The following UBXN11 variants were observed in gnomAD, a reference collection of about 807,000 sequenced individuals.
The protein encoded by UBXN11 is UBX domain protein 11.
Under a neutral mutation model 62.8 loss-of-function variants are expected in UBXN11, and 47 were observed. The ratio of observed to expected loss-of-function variants is 0.75; its 90% CI spans 0.59 to 0.95. The LOEUF (loss-of-function observed/expected upper bound fraction) is 0.95. Among genes scored for constraint, UBXN11 ranks in the 40% least tolerant of loss-of-function variants. The pLI is 0.00. For missense variants in UBXN11, 638 were observed against 661.7 expected (o/e 0.96, Z 0.39); for synonymous variants, 294 against 267.0 (o/e 1.10, Z -0.99).
chr1:26,305,870 T>C (rs2073654871), intron 1 of UBXN11, among the ~76,000 whole-genome samples: 1 of 152,200 alleles, frequency 6.6e-6, no homozygotes, highest in Non-Finnish European at 1.5e-5. Flanking sequence ...CCCCTTTCCA[T>C]GGCCACCGTC....
intron 8 of UBXN11, among the ~76,000 whole-genome samples, chr1:26,291,939 C>T (rs2073277370): frequency 1.3e-5 from 2 of 152,188 alleles, no homozygotes; most frequent in South Asian, 4.1e-4. Context: ...GCATCTTTCC[C>T]GCAGCTGTGC....
chr1:26,317,861 A>AC, intron 1 of UBXN11: 1 of 640,616 alleles, frequency 1.6e-6, no homozygotes, highest in East Asian at 2.7e-5. Context: ...AGGAAGCCAC[A>AC]CCCCTCCTCC....
chr1:26,299,473 G>A lies in UBXN11; in HGVS notation c.200-1411C>T, dbSNP rs1434210507. On this transcript the variant is annotated intron_variant, in intron 4 of 14. Coordinates refer to ENST00000374222, the MANE Select transcript of UBXN11 (RefSeq NM_001389556.1). ...GCTGCAGTAAGTAGTGATTTGCACC[G>A]CTGCACTCCAGGCTGGGCAACAGAG... Among the ~76,000 whole-genome samples, 8 of 145,686 alleles carry A rather than the reference G, an allele frequency of 5.5e-5. No homozygotes were observed. In the East Asian group the frequency reaches 1.6e-3, roughly 29 times the overall value.
At position 26,315,669 on chromosome 1, in the gene UBXN11, C is replaced by CT. The variant is rs1320681285; in HGVS notation, c.-149+2377dup. On this transcript the variant is annotated intron_variant, in intron 1 of 14. Coordinates refer to the UBXN11 transcript ENST00000374217. The stretch of plus-strand genomic sequence containing the variant: ...CTCAGTTCTTCTTTTCTTCTCTTCT[C>CT]TTTTTTTGAAATGGAGTTTTTCTCT... 2.6e-4 allele frequency among the ~76,000 whole-genome samples: 40 copies of CT among 152,028 alleles called. 1 individual carries two copies. The highest frequency in any genetic ancestry group is 2.6e-3 in the Admixed American group (40 of 15,254).
intron 7 of UBXN11, among the ~76,000 whole-genome samples, chr1:26,294,625 G>A (rs763199152): frequency 6.6e-6 from 1 of 152,210 alleles, no homozygotes; most frequent in African/African-American, 2.4e-5. Flanking sequence ...GCCCATGCGA[G>A]GGCTCGGTAA....
chr1:26,293,671 A>G (rs184141850), intron 8 of UBXN11, among the ~76,000 whole-genome samples: 78 of 140,778 alleles, frequency 5.5e-4, no homozygotes, highest in African/African-American at 2.0e-3. Flanking sequence ...GGTTGCAATG[A>G]GCCAAATCGT....
At chr1:26,315,861 T>C (rs1019111893) in intron 1 of UBXN11, among the ~76,000 whole-genome samples, 2 of 152,094 alleles carry the variant, frequency 1.3e-5, no homozygotes, top group African/African-American at 2.4e-5. Context: ...GGTTTCACCA[T>C]GTTGGCCAGG....
At chr1:26,315,960 C>CGTTTT (rs548322541) in intron 1 of UBXN11, among the ~76,000 whole-genome samples, 5 of 114,538 alleles carry the variant, frequency 4.4e-5, no homozygotes, top group Non-Finnish European at 6.9e-5. Flanking sequence ...GTTTCCTGGC[C>CGTTTT]TTTTTTTTTT....
intron 1 of UBXN11, among the ~76,000 whole-genome samples, chr1:26,304,975 T>TC (rs1243427658): frequency 1.3e-5 from 2 of 151,946 alleles, no homozygotes; most frequent in Non-Finnish European, 2.9e-5. Flanking sequence ...CTCTTTTTTT[T>TC]CCCCTTCAGT....
chr1:26,305,047 G>C (rs905224379), intron 1 of UBXN11, among the ~76,000 whole-genome samples: 6 of 152,042 alleles, frequency 3.9e-5, no homozygotes, highest in African/African-American at 1.4e-4. Context: ...CAGGAAATTA[G>C]GAAAATAGTA....
At chr1:26,294,147 C>T (rs2124652095) in intron 8 of UBXN11, 58 bp downstream of exon 8, 1 of 1,600,068 alleles carries the variant, frequency 6.2e-7, no homozygotes, top group Non-Finnish European at 8.5e-7. Flanking sequence ...TGCCGGCCAA[C>T]AGCAAACTGT....
chr1:26,318,230 G>A (rs1284203497), exon 1 of UBXN11: 9 of 645,266 alleles, frequency 1.4e-5, no homozygotes, highest in South Asian at 5.5e-5. Flanking sequence ...GGGCCTGGCC[G>A]CCCAGCCTTC....
chr1:26,284,381 G>T lies in UBXN11; in HGVS notation c.954C>A (p.Asp318Glu), dbSNP rs1363793039. The T allele has an allele frequency of 6.2e-7, 1 of 1,614,054 alleles. No homozygotes were observed. Among genetic ancestry groups the T allele is most frequent in the Admixed American group, 1.7e-5 (1 of 60,016 alleles). The change falls in exon 11 of 15, where the codon GAC (aspartate) becomes GAA (glutamate). Residue 318 changes from aspartate to glutamate, a missense_variant. Coordinates refer to ENST00000374222, the MANE Select transcript of UBXN11 (RefSeq NM_001389556.1). Reference sequence around the variant, plus strand: ...ACTCACCTGGGTGCTCCTCCACCCTGTCCAAGGCCTTGTGCATCAGCTGCC... The same window carrying T: ...ACTCACCTGGGTGCTCCTCCACCCTTTCCAAGGCCTTGTGCATCAGCTGCC... ...VGRQLMHKAL[D>E]RVEEHPGSRM...
chr1:26,306,842 T>TGGGGGGGG (rs1201356841), upstream of UBXN11: 67 of 29,736 alleles, frequency 2.3e-3, no homozygotes, highest in Non-Finnish European at 2.8e-3. Flanking sequence ...GGGGGGGGGG[T>TGGGGGGGG]GGTTCGTTCC....
chr1:26,292,077 ATCT>A (rs1344654222), intron 8 of UBXN11, among the ~76,000 whole-genome samples: 2 of 152,088 alleles, frequency 1.3e-5, no homozygotes, highest in African/African-American at 4.8e-5. Flanking sequence ...GCATCATCTC[ATCT>A]TCTGCCTCAG....
At chr1:26,317,570 A>G (rs2073810164) in intron 1 of UBXN11, among the ~76,000 whole-genome samples, 1 of 151,974 alleles carries the variant, frequency 6.6e-6, no homozygotes, top group South Asian at 2.1e-4. Flanking sequence ...AATATCTGCT[A>G]TGTTCTGGCT....
chr1:26,292,448 G>A (rs1441481837), intron 8 of UBXN11, among the ~76,000 whole-genome samples: 2 of 152,186 alleles, frequency 1.3e-5, no homozygotes, highest in African/African-American at 2.4e-5. Flanking sequence ...CAGCCCAGGA[G>A]GTTGAGGCTG....
intron 1 of UBXN11, among the ~76,000 whole-genome samples, chr1:26,317,235 A>C (rs2124683965): frequency 6.6e-6 from 1 of 152,046 alleles, no homozygotes; most frequent in South Asian, 2.1e-4. Context: ...AAAAAAAAAA[A>C]CAAAAAAACC....
intron 4 of UBXN11, among the ~76,000 whole-genome samples, chr1:26,299,282 C>T (rs1368184002): frequency 1.3e-5 from 2 of 151,860 alleles, no homozygotes; most frequent in Non-Finnish European, 2.9e-5. Context: ...GAGGCCGAGG[C>T]GGGCAGATCA....
Sources: gnomAD v4.1 joint callset for allele counts (sites outside exome capture counted in the v4.1 genomes callset) on GRCh38, gnomAD v4.1.1 for gene constraint, MANE v1.5 for transcripts, NCBI Gene and HGNC (gene_info 2026-07-23, HGNC 2026-07-21) for gene names.